The following AFF2 variants were observed in gnomAD, a reference collection of about 807,000 sequenced individuals.
AFF2 encodes ALF transcription elongation factor 2, also known as AF4/FMR2 family member 2.
A neutral mutation model predicts 76.9 loss-of-function variants in AFF2; 14 were observed. The ratio of observed to expected loss-of-function variants is 0.18; its 90% CI spans 0.12 to 0.28. The LOEUF (loss-of-function observed/expected upper bound fraction) is 0.28, where lower values mean the gene tolerates loss of function less well. AFF2 is among the 10% of genes least tolerant of loss of function. The pLI is 1.00. For missense variants in AFF2, 868 were observed against 1,001.1 expected (o/e 0.87, Z 1.79); for synonymous variants, 398 against 366.7 (o/e 1.09, Z -0.98).
intron 8 of AFF2, among the ~76,000 whole-genome samples, chrX:148,897,388 A>G (rs1482616878): frequency 2.0e-5 from 2 of 99,448 alleles, no homozygotes; most frequent in African/African-American, 7.2e-5. Flanking sequence ...GTATTAAAAT[A>G]TAGAATACCA....
rs183230431 is a variant in AFF2, at chrX:148,778,920, C to G, written c.1042-30956C>G. ...TTTGAATTTGTTTGCTCTTGCCTCTCTAGTTTTTTTAATTGTGATGTCAAT... is the reference window on the plus strand; with the variant it reads ...TTTGAATTTGTTTGCTCTTGCCTCTGTAGTTTTTTTAATTGTGATGTCAAT... On this transcript the variant is annotated intron_variant, in intron 3 of 20. Coordinates refer to ENST00000370460, the MANE Select transcript of AFF2 (RefSeq NM_002025.4). Among the ~76,000 whole-genome samples, 56 of 111,274 alleles carry G rather than the reference C, an allele frequency of 5.0e-4. 1 individual carries two copies. Among genetic ancestry groups the G allele is most frequent in the African/African-American group, 1.8e-3 (56 of 30,594 alleles).
chrX:148,702,948 A>G (rs1233895225), intron 3 of AFF2, among the ~76,000 whole-genome samples: 5 of 112,238 alleles, frequency 4.5e-5, no homozygotes, highest in Non-Finnish European at 9.4e-5. Context: ...GAACAAGTTC[A>G]TTGAAACTCT....
At chrX:148,599,436 C>T (rs1245435690) in intron 1 of AFF2, among the ~76,000 whole-genome samples, 1 of 111,115 alleles carries the variant, frequency 9.0e-6, no homozygotes, top group Non-Finnish European at 1.9e-5. Flanking sequence ...TTGATCAGTC[C>T]AAACATTTGA....
At chrX:148,698,242 CTAGAACATCTAAAT>C (rs1557261497) in intron 3 of AFF2, among the ~76,000 whole-genome samples, 2 of 112,475 alleles carry the variant, frequency 1.8e-5, no homozygotes, top group Non-Finnish European at 3.8e-5. Flanking sequence ...TGTTTATTGA[CTAGAACATCTAAAT>C]GGCTTTAGGC....
intron 1 of AFF2, among the ~76,000 whole-genome samples, chrX:148,616,015 T>G (rs1466842695): frequency 8.9e-6 from 1 of 112,045 alleles, no homozygotes; most frequent in Admixed American, 9.5e-5. Context: ...TCTGACATCA[T>G]AGAAAATCAG....
Position 148,660,409 on chromosome X carries a change from C to T in AFF2, c.181-1499C>T, listed in dbSNP as rs782578286. Among the ~76,000 whole-genome samples the T allele has an allele frequency of 7.4e-4, 83 of 111,684 alleles. 1 individual carries two copies. The highest frequency in any genetic ancestry group is 1.4e-3 in the Non-Finnish European group (72 of 53,191). On this transcript the variant is annotated intron_variant, in intron 2 of 20. Coordinates refer to ENST00000370460, the MANE Select transcript of AFF2 (RefSeq NM_002025.4). ...TGTTTTCTTTCCCCAGACGACTTCACCCATTTCTAGCACTTCGCCCTCTAG... is the reference window on the plus strand; with the variant it reads ...TGTTTTCTTTCCCCAGACGACTTCATCCATTTCTAGCACTTCGCCCTCTAG...
intron 1 of AFF2, among the ~76,000 whole-genome samples, chrX:148,650,625 G>T (rs1456192060): frequency 1.8e-4 from 20 of 112,176 alleles, no homozygotes; most frequent in African/African-American, 6.5e-4. Flanking sequence ...TTATCCAGGA[G>T]ATAAAGTTAT....
At chrX:148,528,494 C>T (rs978278790) in intron 1 of AFF2, among the ~76,000 whole-genome samples, 18 of 111,135 alleles carry the variant, frequency 1.6e-4, no homozygotes, top group African/African-American at 5.9e-4. Flanking sequence ...TCCTGGTGTT[C>T]AGCCTTAGAC....
At chrX:148,904,526 T>C (rs1353984878) in intron 9 of AFF2, 1 of 295,041 alleles carries the variant, frequency 3.4e-6, no homozygotes, top group African/African-American at 2.8e-5. Context: ...CCAAATACGA[T>C]TATAATCATA....
chrX:148,688,578 G>T (rs1468135), intron 3 of AFF2, among the ~76,000 whole-genome samples: 1 of 110,107 alleles, frequency 9.1e-6, no homozygotes, highest in Non-Finnish European at 1.9e-5. Context: ...ATTTATCATT[G>T]TATCCCTTGT....
intron 3 of AFF2, among the ~76,000 whole-genome samples, chrX:148,704,148 A>C (rs1231206946): frequency 2.6e-5 from 2 of 77,111 alleles, no homozygotes; most frequent in Non-Finnish European, 4.8e-5. Context: ...GGTGACTGCA[A>C]GTGGTTTTGG....
intron 1 of AFF2, among the ~76,000 whole-genome samples, chrX:148,594,260 T>G (rs1267354431): frequency 7.2e-5 from 8 of 111,578 alleles, no homozygotes; most frequent in Non-Finnish European, 1.3e-4. Context: ...TACTCGGGTC[T>G]GGAATCAATT....
intron 1 of AFF2, among the ~76,000 whole-genome samples, chrX:148,572,915 A>G (rs1172740029): frequency 9.0e-6 from 1 of 111,219 alleles, no homozygotes; most frequent in African/African-American, 3.3e-5. Flanking sequence ...TATGAATTAT[A>G]TCTCAGGAAA....
At chrX:148,836,492 A>T (rs1178205526) in intron 4 of AFF2, among the ~76,000 whole-genome samples, 1 of 111,708 alleles carries the variant, frequency 9.0e-6, no homozygotes, top group Non-Finnish European at 1.9e-5. Flanking sequence ...AAAGACTGGA[A>T]AAAAACAAGT....
intron 1 of AFF2, among the ~76,000 whole-genome samples, chrX:148,572,696 C>T (rs1369754966): frequency 9.0e-6 from 1 of 111,538 alleles, no homozygotes; most frequent in Non-Finnish European, 1.9e-5. Context: ...TATGATTCAA[C>T]TTATATAAAA....
chrX:148,948,363 C>T (rs782312141), intron 9 of AFF2, among the ~76,000 whole-genome samples: 1 of 111,541 alleles, frequency 9.0e-6, no homozygotes, highest in African/African-American at 3.3e-5. Context: ...TCACATGTTT[C>T]TCATAAAGTC....
intron 3 of AFF2, among the ~76,000 whole-genome samples, chrX:148,722,340 T>A (rs2055103725): frequency 9.0e-6 from 1 of 111,501 alleles, no homozygotes; most frequent in African/African-American, 3.3e-5. Flanking sequence ...ACAGGCTAAG[T>A]GACACGTATC....
intron 1 of AFF2, among the ~76,000 whole-genome samples, chrX:148,582,748 C>T (rs1266369665): frequency 9.0e-6 from 1 of 111,469 alleles, no homozygotes; most frequent in African/African-American, 3.3e-5. Flanking sequence ...AAGTATATAC[C>T]CAAGAGAATC....
At chrX:148,557,939 C>A (rs969147428) in intron 1 of AFF2, among the ~76,000 whole-genome samples, 3 of 111,555 alleles carry the variant, frequency 2.7e-5, no homozygotes, top group Non-Finnish European at 5.6e-5. Context: ...ATAACTTGTC[C>A]AAGGTACACA....
Sources: gnomAD v4.1 joint callset for allele counts (sites outside exome capture counted in the v4.1 genomes callset) on GRCh38, gnomAD v4.1.1 for gene constraint, MANE v1.5 for transcripts, NCBI Gene and HGNC (gene_info 2026-07-23, HGNC 2026-07-21) for gene names.